The following LTBP1 variants were observed in gnomAD, a reference collection of about 807,000 sequenced individuals.
LTBP1 encodes the protein latent transforming growth factor beta binding protein 1, also known as latent-transforming growth factor beta-binding protein 1.
LTBP1 carries 129 observed loss-of-function variants against 207.6 expected under a neutral mutation model. The observed-to-expected ratio is 0.62, with a 90% CI of 0.54 to 0.72. LTBP1 has a LOEUF of 0.72. Among genes scored for constraint, LTBP1 ranks in the 30% least tolerant of loss-of-function variants. The pLI, the probability that LTBP1 is intolerant of heterozygous loss-of-function variation, is 0.00. For synonymous variants in LTBP1, 963 were observed against 833.7 expected, an observed-to-expected ratio of 1.16 and a Z score of -2.67; for missense variants, 2,281 against 2,217.2, an observed-to-expected ratio of 1.03 and a Z score of -0.58.
Position 33,186,809 on chromosome 2 carries a change from C to T in LTBP1, c.1202-47C>T, listed in dbSNP as rs117488785. ...TTTTGTTGGTTGATCATTACTTAGCCTCTGAGAGACTAACCAACTCTCCAT... is the reference window on the plus strand; with the variant it reads ...TTTTGTTGGTTGATCATTACTTAGCTTCTGAGAGACTAACCAACTCTCCAT... On this transcript the variant is annotated intron_variant, in intron 5 of 33. Transcript: ENST00000404816. 2.8e-4 allele frequency: 405 copies of T among 1,460,798 alleles called. 2 individuals are homozygous for T. In the East Asian group the frequency reaches 8.6e-3, roughly 31 times the overall value. 90.5% of individuals were successfully genotyped at this position (1,460,798 alleles called of 1,614,324 possible).
intron 9 of LTBP1, among the ~76,000 whole-genome samples, chr2:33,228,920 T>C (rs893761232): frequency 6.6e-6 from 1 of 151,804 alleles, no homozygotes; most frequent in Non-Finnish European, 1.5e-5. Context: ...AGGATGGTTT[T>C]GATCTCCCAA....
At chr2:32,979,816 T>C (rs1271733330) in intron 2 of LTBP1, among the ~76,000 whole-genome samples, 1 of 152,174 alleles carries the variant, frequency 6.6e-6, no homozygotes, top group African/African-American at 2.4e-5. Context: ...AGGGTCTATC[T>C]CTCTGTTTAG....
chr2:33,037,111 T>C (rs1181805494), intron 3 of LTBP1, among the ~76,000 whole-genome samples: 1 of 152,218 alleles, frequency 6.6e-6, no homozygotes, highest in Admixed American at 6.5e-5. Flanking sequence ...TGATTTTTTT[T>C]CCATATGGCT....
At chr2:33,278,423 C>T (rs1444994044) in intron 18 of LTBP1, among the ~76,000 whole-genome samples, 3 of 152,104 alleles carry the variant, frequency 2.0e-5, no homozygotes, top group East Asian at 1.9e-4. Flanking sequence ...ACCAAACGTC[C>T]CCGGGCTTCT....
At chr2:33,071,763 C>T (rs1172487292) in intron 3 of LTBP1, among the ~76,000 whole-genome samples, 3 of 152,154 alleles carry the variant, frequency 2.0e-5, no homozygotes, top group Non-Finnish European at 4.4e-5. Flanking sequence ...ATGTTCATCA[C>T]GGGTCGTCTG....
At chr2:33,172,592 C>T (rs1234421733) in intron 5 of LTBP1, among the ~76,000 whole-genome samples, 3 of 152,154 alleles carry the variant, frequency 2.0e-5, no homozygotes, top group South Asian at 2.1e-4. Flanking sequence ...TTAGACAGAT[C>T]AGCGAGACAG....
At chr2:33,099,543 A>G (rs1397257157) in intron 3 of LTBP1, among the ~76,000 whole-genome samples, 2 of 152,234 alleles carry the variant, frequency 1.3e-5, no homozygotes, top group African/African-American at 4.8e-5. Context: ...CTGGAGGACT[A>G]TAGAGATATC....
chr2:33,205,253 C>G (rs1311349396), intron 7 of LTBP1, among the ~76,000 whole-genome samples: 1 of 152,202 alleles, frequency 6.6e-6, no homozygotes, highest in African/African-American at 2.4e-5. Context: ...TTCCTTAAAT[C>G]TTTATTGCAT....
Position 32,947,489 on chromosome 2 carries a change from C to T in LTBP1, c.165C>T (p.Asn55=). The change falls in exon 1 of 34, where the codon AAC becomes AAT. Residue 55 remains asparagine, a synonymous_variant. Coordinates refer to ENST00000404816, the MANE Select transcript of LTBP1 (RefSeq NM_206943.4). ...GGCCCCCGCGTTCGCGGACATTCAA[C>T]GTCGCGCTCAACGCCAGGTACAGCC... is the stretch of plus-strand genomic sequence containing the variant. ...LSGPPRSRTF[N]VALNARYSRS... 2 of 1,442,818 alleles carry T rather than the reference C, an allele frequency of 1.4e-6. No homozygotes were observed. Among genetic ancestry groups the T allele is most frequent in the Non-Finnish European group, 1.8e-6 (2 of 1,101,850 alleles). The allele number at this position is 1,442,818 out of a possible 1,614,324, so 89.4% of individuals were successfully genotyped here.
rs570963430 is a variant in LTBP1 at position 32,947,836 on chromosome 2, T to TCCGCCCGC, written c.494+28_494+35dup. 2.6e-5 allele frequency: 34 copies of TCCGCCCGC among 1,289,522 alleles called. No individual in the cohort carries two copies. The highest frequency in any genetic ancestry group is 1.4e-4 in the South Asian group (5 of 35,742). 79.9% of individuals were successfully genotyped at this position (1,289,522 alleles called of 1,614,324 possible). A position where few individuals can be genotyped will look rare whatever the true frequency, so the allele number is the denominator to read the frequency against. On this transcript the variant is annotated intron_variant, in intron 1 of 33. Coordinates refer to ENST00000404816, the MANE Select transcript of LTBP1 (RefSeq NM_206943.4). ...CTGCAGGGGTAAGCCCACACCCCCT[T>TCCGCCCGC]CCGCCCGCCCGCCCGCCTCGCGCGC...
At chr2:32,980,590 T>C (rs1227307315) in intron 2 of LTBP1, among the ~76,000 whole-genome samples, 1 of 152,220 alleles carries the variant, frequency 6.6e-6, no homozygotes, top group Admixed American at 6.5e-5. Flanking sequence ...GACTAGTTCA[T>C]CTTCTTTCTT....
chr2:33,303,355 T>TTC (rs1378552886), intron 22 of LTBP1, among the ~76,000 whole-genome samples: 1 of 147,454 alleles, frequency 6.8e-6, no homozygotes, highest in African/African-American at 2.6e-5. Context: ...AGATTTTCTT[T>TTC]TTTTTTTTTT....
intron 18 of LTBP1, 150 bp from the exon 19 acceptor site, chr2:33,279,889 G>T (rs568734503): frequency 5.6e-6 from 4 of 714,238 alleles, no homozygotes; most frequent in East Asian, 2.6e-5. Context: ...ATGTATTTAA[G>T]TATAGACCCA....
intron 2 of LTBP1, among the ~76,000 whole-genome samples, chr2:32,998,058 T>G (rs1161605669): frequency 1.3e-5 from 2 of 152,192 alleles, no homozygotes; most frequent in African/African-American, 4.8e-5. Flanking sequence ...AAATTCTAGA[T>G]TTGAGCATGG....
chr2:33,356,656 A>G (rs2094865665), intron 26 of LTBP1, among the ~76,000 whole-genome samples: 1 of 152,214 alleles, frequency 6.6e-6, no homozygotes, highest in South Asian at 2.1e-4. Flanking sequence ...TCAAAAAACA[A>G]AAAACAAAAA....
chr2:33,149,228 C>CAAAAAAAAAAAAAAAAAAAAAAAAAA (rs58303103), intron 5 of LTBP1, among the ~76,000 whole-genome samples: 1 of 82,784 alleles, frequency 1.2e-5, no homozygotes, highest in Non-Finnish European at 2.2e-5. Context: ...CACAAAAAAA[C>CAAAAAAAAAAAAAAAAAAAAAAAAAA]AAAAAAAAAA....
intron 4 of LTBP1, among the ~76,000 whole-genome samples, chr2:33,124,301 T>C (rs2081318105): frequency 6.6e-6 from 1 of 152,058 alleles, no homozygotes. Context: ...TCCCAGCTAC[T>C]TGGGAGGCTG....
chr2:32,982,047 G>C (rs111754740), intron 2 of LTBP1, among the ~76,000 whole-genome samples: 2,224 of 152,272 alleles, frequency 0.015, 18 homozygotes, highest in Non-Finnish European at 0.022. Context: ...GCAAAGGTTG[G>C]AACAGTTTGG....
At chr2:32,972,399 T>C (rs1436854268) in intron 2 of LTBP1, among the ~76,000 whole-genome samples, 1 of 152,152 alleles carries the variant, frequency 6.6e-6, no homozygotes, top group Non-Finnish European at 1.5e-5. Context: ...AGGTTGTTAA[T>C]TTGAGATCTA....
Sources: gnomAD v4.1 joint callset for allele counts (sites outside exome capture counted in the v4.1 genomes callset) on GRCh38, gnomAD v4.1.1 for gene constraint, MANE v1.5 for transcripts, NCBI Gene and HGNC (gene_info 2026-07-23, HGNC 2026-07-21) for gene names.